SEMA5A: variants seen among roughly 807,000 people sequenced by gnomAD.
The protein encoded by SEMA5A is semaphorin-5A.
SEMA5A carries 55 observed loss-of-function variants against 135.5 expected under a neutral mutation model. The ratio of observed to expected loss-of-function variants is 0.41; its 90% CI spans 0.33 to 0.51. The LOEUF (loss-of-function observed/expected upper bound fraction) is 0.51. Ranked by LOEUF, SEMA5A falls within the 20% of genes least tolerant of loss-of-function variation. SEMA5A has a pLI of 0.37. For missense variants in SEMA5A, 1,290 were observed against 1,419.9 expected (o/e 0.91, Z 1.47); for synonymous variants, 580 against 546.5 (o/e 1.06, Z -0.85).
At chr5:9,530,953 T>C (rs1737400295) in intron 1 of SEMA5A, among the ~76,000 whole-genome samples, 1 of 152,210 alleles carries the variant, frequency 6.6e-6, no homozygotes, top group Non-Finnish European at 1.5e-5. Context: ...CTGCTCTAGC[T>C]CCAAGTACCC....
chr5:9,406,585 A>C (rs1756896539), intron 2 of SEMA5A, among the ~76,000 whole-genome samples: 1 of 152,232 alleles, frequency 6.6e-6, no homozygotes, highest in Non-Finnish European at 1.5e-5. Flanking sequence ...TATTTATTGG[A>C]TATGTCAAGT....
At chr5:9,464,548 A>G (rs1759182911) in intron 1 of SEMA5A, among the ~76,000 whole-genome samples, 1 of 152,212 alleles carries the variant, frequency 6.6e-6, no homozygotes, top group Non-Finnish European at 1.5e-5. Context: ...CACATTCAAT[A>G]TATTTTTTAG....
intron 11 of SEMA5A, among the ~76,000 whole-genome samples, chr5:9,163,225 A>G (rs1020437992): frequency 6.6e-6 from 1 of 152,108 alleles, no homozygotes; most frequent in Non-Finnish European, 1.5e-5. Context: ...CAAACAGGGA[A>G]ACAGACGATG....
rs142182931 is a variant in SEMA5A at position 9,371,666 on chromosome 5, T to C, written c.124+8157A>G. On this transcript the variant is annotated intron_variant, in intron 3 of 22. Transcript: ENST00000382496. ...CAAATAGATTAAAATATTTTGCCAA[T>C]GTGATTTTGACATTACATCACATAA... Among the ~76,000 whole-genome samples the C allele has an allele frequency of 4.7e-3, 712 of 152,350 alleles. 7 individuals carry two copies. Among genetic ancestry groups the C allele is most frequent in the African/African-American group, 0.016 (683 of 41,584 alleles).
intron 11 of SEMA5A, among the ~76,000 whole-genome samples, chr5:9,180,740 CT>C (rs1045025232): frequency 6.6e-5 from 10 of 151,758 alleles, no homozygotes; most frequent in Admixed American, 4.6e-4. Context: ...CCTTGCCCTA[CT>C]TTTTTTAGAT....
At chr5:9,317,962 T>C (rs1752463497) in intron 5 of SEMA5A, among the ~76,000 whole-genome samples, 1 of 152,210 alleles carries the variant, frequency 6.6e-6, no homozygotes, top group Admixed American at 6.5e-5. Flanking sequence ...AGTATTCATA[T>C]TTATGTTAAT....
chr5:9,375,137 A>G (rs1314257842), intron 3 of SEMA5A, among the ~76,000 whole-genome samples: 2 of 151,980 alleles, frequency 1.3e-5, no homozygotes, highest in Admixed American at 1.3e-4. Flanking sequence ...ATCCCCACAC[A>G]TATCACCATC....
chr5:9,386,132 T>C (rs1008743298), intron 2 of SEMA5A, among the ~76,000 whole-genome samples: 1 of 152,142 alleles, frequency 6.6e-6, no homozygotes, highest in African/African-American at 2.4e-5. Flanking sequence ...GTTTTTGCAT[T>C]TGTTCTTTCC....
At chr5:9,275,919 C>T (rs1302379571) in intron 5 of SEMA5A, among the ~76,000 whole-genome samples, 3 of 152,200 alleles carry the variant, frequency 2.0e-5, no homozygotes, top group Non-Finnish European at 4.4e-5. Context: ...GATGCCCTCT[C>T]TCACCACTCC....
At chr5:9,054,293 T>C (rs774039605) in intron 18 of SEMA5A, 36 bp from the exon 19 acceptor site, 1 of 1,589,872 alleles carries the variant, frequency 6.3e-7, no homozygotes, top group South Asian at 1.2e-5. Flanking sequence ...TCTTCTATAA[T>C]CCAATCCCAA....
intron 11 of SEMA5A, among the ~76,000 whole-genome samples, chr5:9,166,505 C>T (rs564975049): frequency 6.6e-6 from 1 of 152,158 alleles, no homozygotes; most frequent in Non-Finnish European, 1.5e-5. Context: ...CTATTCTTTT[C>T]TTATTAATGT....
At chr5:9,445,027 AAC>A (rs906087822) in intron 1 of SEMA5A, among the ~76,000 whole-genome samples, 1 of 152,228 alleles carries the variant, frequency 6.6e-6, no homozygotes, top group Non-Finnish European at 1.5e-5. Context: ...AGAGAAAGAA[AAC>A]ACACACACAT....
At chr5:9,279,185 A>G (rs1490622712) in intron 5 of SEMA5A, among the ~76,000 whole-genome samples, 1 of 152,212 alleles carries the variant, frequency 6.6e-6, no homozygotes, top group East Asian at 1.9e-4. Context: ...CCCTTGTGTT[A>G]GTGTGGCCTG....
At chr5:9,116,246 T>A (rs1740506916) in intron 15 of SEMA5A, among the ~76,000 whole-genome samples, 1 of 152,110 alleles carries the variant, frequency 6.6e-6, no homozygotes, top group East Asian at 1.9e-4. Context: ...AAGAAACGTG[T>A]GTTGTTTTGA....
intron 5 of SEMA5A, among the ~76,000 whole-genome samples, chr5:9,303,109 T>C (rs1247537811): frequency 1.3e-5 from 2 of 149,758 alleles, no homozygotes; most frequent in African/African-American, 2.5e-5. Context: ...CACACACATA[T>C]ATATATATAA....
At chr5:9,230,397 G>A (rs1202743211) in intron 6 of SEMA5A, among the ~76,000 whole-genome samples, 1 of 152,112 alleles carries the variant, frequency 6.6e-6, no homozygotes, top group African/African-American at 2.4e-5. Flanking sequence ...TGGTGCAGCA[G>A]TGTGCCAGGG....
intron 7 of SEMA5A, 44 bp from the exon 8 acceptor site, chr5:9,224,931 C>A: frequency 6.5e-7 from 1 of 1,550,236 alleles, no homozygotes; most frequent in Non-Finnish European, 8.8e-7. Flanking sequence ...TCTGCACAAG[C>A]CCCTTTAGTG....
chr5:9,325,029 C>T (rs990707958), intron 4 of SEMA5A, among the ~76,000 whole-genome samples: 3 of 152,186 alleles, frequency 2.0e-5, no homozygotes, highest in Non-Finnish European at 4.4e-5. Context: ...TATTGCCATT[C>T]TTCAGGGAAA....
intron 11 of SEMA5A, among the ~76,000 whole-genome samples, chr5:9,177,435 G>A (rs139252138): frequency 9.8e-4 from 150 of 152,332 alleles, no homozygotes; most frequent in Non-Finnish European, 1.7e-3. Context: ...GAGGTTCTAT[G>A]AGGGCAGGTT....
Sources: gnomAD v4.1 joint callset for allele counts (sites outside exome capture counted in the v4.1 genomes callset) on GRCh38, gnomAD v4.1.1 for gene constraint, MANE v1.5 for transcripts, NCBI Gene and HGNC (gene_info 2026-07-23, HGNC 2026-07-21) for gene names.